The following PRDM2 variants were observed in gnomAD, a reference collection of about 807,000 sequenced individuals.
The protein encoded by PRDM2 is PR/SET domain 2.
Under a neutral mutation model 130.0 loss-of-function variants are expected in PRDM2, and 30 were observed. The ratio of observed to expected loss-of-function variants is 0.23; its 90% CI spans 0.17 to 0.31. The LOEUF is 0.31. Ranked by LOEUF, PRDM2 falls within the 10% of genes least tolerant of loss-of-function variation. The pLI, the probability that PRDM2 is intolerant of heterozygous loss-of-function variation, is 1.00. For synonymous variants in PRDM2, 871 were observed against 782.4 expected (o/e 1.11, Z -1.89); for missense variants, 2,011 against 2,108.4 (o/e 0.95, Z 0.90).
intron 3 of PRDM2, 104 bp downstream of exon 3, chr1:13,731,221 C>A: frequency 1.2e-6 from 1 of 844,608 alleles, no homozygotes; most frequent in South Asian, 1.5e-5. Flanking sequence ...ATAAAAGCAG[C>A]AATTTACCCT....
intron 8 of PRDM2, among the ~76,000 whole-genome samples, chr1:13,784,754 A>G (rs1644698622): frequency 6.6e-6 from 1 of 152,230 alleles, no homozygotes; most frequent in Non-Finnish European, 1.5e-5. Flanking sequence ...GAAGCACAGA[A>G]GAATCAGATA....
intron 8 of PRDM2, among the ~76,000 whole-genome samples, chr1:13,801,536 C>T (rs781368583): frequency 2.6e-5 from 4 of 152,172 alleles, no homozygotes; most frequent in Non-Finnish European, 5.9e-5. Flanking sequence ...CCAGTTCTGC[C>T]GCCTGCCAGC....
rs1473944209 is a variant in PRDM2, at chr1:13,781,602, T to G, written c.3807T>G (p.Leu1269=). ...EEELNDSSEE[L]YTTIKIMASG... is the part of the protein sequence containing the mutation. Reference sequence around the variant, plus strand: ...AGTTAAATGATTCCTCTGAAGAGCTTTACACGACTATAAAAATAATGGCTT... The same window carrying G: ...AGTTAAATGATTCCTCTGAAGAGCTGTACACGACTATAAAAATAATGGCTT... The change falls in exon 8 of 10, where the codon CTT becomes CTG. Residue 1269 remains leucine (L), a synonymous_variant. Coordinates refer to ENST00000311066, the MANE Select transcript of PRDM2 (RefSeq NM_001393986.1). The surrounding 1 kb of genome is among the most constrained non-coding windows in gnomAD (Gnocchi z 6.1). 7 of 1,613,162 alleles carry G rather than the reference T, an allele frequency of 4.3e-6. No homozygotes were observed. Among genetic ancestry groups the G allele is most frequent in the Non-Finnish European group, 5.9e-6 (7 of 1,180,010 alleles).
intron 5 of PRDM2, among the ~76,000 whole-genome samples, chr1:13,746,804 G>C (rs1643625428): frequency 6.6e-6 from 1 of 152,174 alleles, no homozygotes; most frequent in Non-Finnish European, 1.5e-5. Flanking sequence ...CGATTCGCCT[G>C]CCTTGGCCTC....
intron 6 of PRDM2, among the ~76,000 whole-genome samples, chr1:13,749,752 G>C (rs985035207): frequency 6.6e-6 from 1 of 151,986 alleles, no homozygotes; most frequent in Non-Finnish European, 1.5e-5. Context: ...GCGCGCTCGG[G>C]CTGTTTCTTA....
intron 8 of PRDM2, among the ~76,000 whole-genome samples, chr1:13,813,671 T>C (rs551991593): frequency 6.6e-6 from 1 of 152,184 alleles, no homozygotes; most frequent in Admixed American, 6.5e-5. Context: ...GCCATGTTCA[T>C]GTTGGCTGCC....
chr1:13,786,848 G>C, intron 8 of PRDM2: 1 of 1,117,118 alleles, frequency 9.0e-7, no homozygotes, highest in Non-Finnish European at 1.1e-6. Flanking sequence ...TTTTTGGCAC[G>C]TAGCAGAGAA....
chr1:13,801,429 G>A (rs1259844164), intron 8 of PRDM2, among the ~76,000 whole-genome samples: 1 of 152,208 alleles, frequency 6.6e-6, no homozygotes, highest in African/African-American at 2.4e-5. Context: ...AATTTACACT[G>A]CCTGTCAGCA....
At chr1:13,711,193 C>G (rs184804581) in intron 1 of PRDM2, among the ~76,000 whole-genome samples, 55 of 152,054 alleles carry the variant, frequency 3.6e-4, no homozygotes, top group Non-Finnish European at 6.3e-4. Flanking sequence ...CCGTTTCACA[C>G]GTTTGATAAA....
Position 13,778,779 on chromosome 1 carries a change from A to C in PRDM2, c.984A>C (p.Glu328Asp). The stretch of plus-strand genomic sequence containing the variant: ...TAGAGGAACCAAAAACAACTTCAGA[A>C]GAAACTCTTGAAGACTGCTCAGAGG... ...DLLEEPKTTSEETLEDCSEVT... is the reference protein window; with the variant it reads ...DLLEEPKTTSDETLEDCSEVT... The change falls in exon 8 of 10, where the codon GAA becomes GAC. Residue 328 changes from glutamate (E) to aspartate (D), a missense_variant. Physicochemically the swap from Glu to Asp is conservative, Grantham distance 45 (BLOSUM62 2). Transcript: ENST00000311066. 3.7e-6 allele frequency: 6 copies of C among 1,614,118 alleles called. No homozygotes were observed. The highest frequency in any genetic ancestry group is 5.1e-6 in the Non-Finnish European group (6 of 1,180,030).
At position 13,749,571 on chromosome 1, in the gene PRDM2, C is replaced by G. The variant is rs966186455; in HGVS notation, c.511+84C>G. The stretch of plus-strand genomic sequence containing the variant: ...CCTGCCGCCCTCGCTGCTGCTGGCC[C>G]GACCGCGAGGCGGGTCGCGGGCTCG... On this transcript the variant is annotated intron_variant, in intron 6 of 9. Transcript: ENST00000311066. 5.3e-5 allele frequency: 49 copies of G among 925,278 alleles called. No individual in the cohort carries two copies. The Admixed American group carries it at 5.5e-4, about 10-fold the overall frequency. The allele number at this position is 925,278 out of a possible 1,614,324, so 57.3% of individuals were successfully genotyped here.
intron 7 of PRDM2, 31 bp from the exon 8 acceptor site, chr1:13,778,387 T>C: frequency 1.3e-6 from 2 of 1,549,950 alleles, no homozygotes; most frequent in Non-Finnish European, 1.7e-6. Context: ...CATGCTTCAC[T>C]TCCATGCTTC....
chr1:13,817,080 G>T (rs1016066367), intron 9 of PRDM2, among the ~76,000 whole-genome samples: 1 of 152,184 alleles, frequency 6.6e-6, no homozygotes, highest in African/African-American at 2.4e-5. Flanking sequence ...AATACAGGTG[G>T]AGTAACCCTA....
At chr1:13,811,322 T>A (rs1218607606) in intron 8 of PRDM2, among the ~76,000 whole-genome samples, 1 of 152,202 alleles carries the variant, frequency 6.6e-6, no homozygotes, top group Admixed American at 6.5e-5. Context: ...CGTTAACGCT[T>A]ACTTGCACAG....
chr1:13,821,431 C>CATTT (rs112704883), intron 9 of PRDM2, among the ~76,000 whole-genome samples: 13,963 of 138,130 alleles, frequency 0.1, 758 homozygotes, highest in South Asian at 0.18. Context: ...ATGCAGTGAA[C>CATTT]ATTTATTTAT....
chr1:13,732,796 C>A lies in PRDM2; in HGVS notation c.145C>A (p.Pro49Thr), dbSNP rs748612326. ...KTRIGVWATK[P>T]ILKGKKFGPF... ...TTTTCTAGGTGTCTGGGCCACTAAA[C>A]CAATTTTAAAAGGCAAAAAATTTGG... The change falls in exon 4 of 10, where the codon CCA becomes ACA. Residue 49 changes from proline (P) to threonine (T), a missense_variant. Transcript: ENST00000311066. The A allele has an allele frequency of 1.0e-5, 16 of 1,604,018 alleles. No individual in the cohort carries two copies. The highest frequency in any genetic ancestry group is 1.3e-5 in the Non-Finnish European group (15 of 1,175,234).
In PRDM2 at chr1:13,778,687, A is replaced by G; in HGVS notation, c.892A>G (p.Ser298Gly). The change falls in exon 8 of 10, where the codon AGC (serine) becomes GGC (glycine). Residue 298 changes from serine (S) to glycine (G), a missense_variant. This residue lies in a region of PRDM2 where 1,288 missense variants were observed against 1,237.7 expected (regional missense o/e 1.04). Coordinates refer to ENST00000311066, the MANE Select transcript of PRDM2 (RefSeq NM_001393986.1). ...ELEDEGEEEA[S>G]MPNENSVKEP... Reference sequence around the variant, plus strand: ...GGAAGACGAGGGGGAAGAAGAAGCCAGCATGCCAAATGAAAATTCTGTGAA... The same window carrying G: ...GGAAGACGAGGGGGAAGAAGAAGCCGGCATGCCAAATGAAAATTCTGTGAA... 1 of 1,614,226 alleles carries G rather than the reference A, an allele frequency of 6.2e-7. No individual in the cohort carries two copies. The highest frequency in any genetic ancestry group is 8.5e-7 in the Non-Finnish European group (1 of 1,180,038).
chr1:13,779,710 C>T lies in PRDM2; in HGVS notation c.1915C>T (p.Arg639Trp), dbSNP rs1644562798. Residue 639 changes from arginine to tryptophan, a missense_variant, in exon 8 of 10, where the codon CGG becomes TGG. Arg to Trp is a moderately radical substitution (Grantham distance 101, BLOSUM62 -3). This residue lies in a region of PRDM2 where 1,288 missense variants were observed against 1,237.7 expected (regional missense o/e 1.04). Coordinates refer to ENST00000311066, the MANE Select transcript of PRDM2 (RefSeq NM_001393986.1). This position sits in a 1 kb window ranked among gnomAD's most constrained non-coding sequence, Gnocchi z 4.9. ...LGSTNSEAKKRRTASPPALPK... is the reference protein window; with the variant it reads ...LGSTNSEAKKWRTASPPALPK... ...CAGCACAAATAGTGAGGCCAAGAAGCGGAGAACTGCGAGCCCACCTGCACT... is the reference window on the plus strand; with the variant it reads ...CAGCACAAATAGTGAGGCCAAGAAGTGGAGAACTGCGAGCCCACCTGCACT... The T allele has an allele frequency of 3.1e-6, 5 of 1,613,868 alleles. No homozygotes were observed. The highest frequency in any genetic ancestry group is 1.7e-5 in the Admixed American group (1 of 59,970).
Position 13,780,001 on chromosome 1 carries a change from C to T in PRDM2, c.2206C>T (p.Arg736Trp), listed in dbSNP as rs778100861. Residue 736 changes from arginine to tryptophan, a missense_variant, in exon 8 of 10, where the codon CGG becomes TGG. By Grantham distance (101) the Arg-to-Trp change is moderately radical. This residue lies in a region of PRDM2 where 1,288 missense variants were observed against 1,237.7 expected (regional missense o/e 1.04). Coordinates refer to ENST00000311066, the MANE Select transcript of PRDM2 (RefSeq NM_001393986.1). ...LPVTSSRFKR[R>W]TSSPPSSPQH... Reference sequence around the variant, plus strand: ...TGTGACCTCAAGTAGGTTTAAGAGGCGGACCAGCTCTCCTCCCAGTTCTCC... The same window carrying T: ...TGTGACCTCAAGTAGGTTTAAGAGGTGGACCAGCTCTCCTCCCAGTTCTCC... The T allele has an allele frequency of 3.1e-6, 5 of 1,614,168 alleles. No homozygotes were observed. The highest frequency in any genetic ancestry group is 4.2e-6 in the Non-Finnish European group (5 of 1,180,032).
Sources: gnomAD v4.1 joint callset for allele counts (sites outside exome capture counted in the v4.1 genomes callset) on GRCh38, gnomAD v4.1.1 for gene constraint, gnomAD v4.1.1 regional missense constraint, Gnocchi (gnomAD v3.1) non-coding constraint, MANE v1.5 for transcripts, NCBI Gene and HGNC (gene_info 2026-07-23, HGNC 2026-07-21) for gene names.